Variants in DLC1 observed in about 807,000 individuals in gnomAD.
DLC1 encodes the protein rho GTPase-activating protein 7.
In DLC1, 54 loss-of-function variants were observed where a neutral mutation model predicts 140.3. The observed-to-expected ratio is 0.38, with a 90% CI of 0.31 to 0.48. DLC1 has a LOEUF of 0.48. DLC1 is among the 20% of genes least tolerant of loss of function. The pLI is 0.96. For synonymous variants in DLC1, 986 were observed against 728.1 expected, an observed-to-expected ratio of 1.35 and a Z score of -5.70; for missense variants, 2,536 against 1,907.0, an observed-to-expected ratio of 1.33 and a Z score of -6.14.
chr8:13,229,276 C>A (rs564735078), intron 5 of DLC1, among the ~76,000 whole-genome samples: 6 of 152,240 alleles, frequency 3.9e-5, no homozygotes, highest in Non-Finnish European at 7.4e-5. Context: ...CAATATTGAT[C>A]CACGCTACAA....
intron 1 of DLC1, chr8:13,567,857 G>A: frequency 6.4e-7 from 1 of 1,551,814 alleles, no homozygotes; most frequent in South Asian, 1.2e-5. Flanking sequence ...CAGCGAGATG[G>A]AAATAGTGCT....
intron 4 of DLC1, among the ~76,000 whole-genome samples, chr8:13,309,451 C>G (rs1460958346): frequency 1.3e-5 from 2 of 152,084 alleles, no homozygotes; most frequent in African/African-American, 2.4e-5. Flanking sequence ...TTGAAGTTGG[C>G]CAATTAAGGT....
At chr8:13,566,099 A>T (rs1203289100) in intron 1 of DLC1, among the ~76,000 whole-genome samples, 2 of 151,876 alleles carry the variant, frequency 1.3e-5, no homozygotes, top group African/African-American at 4.8e-5. Flanking sequence ...CAACACCGAC[A>T]TGATTTCTGC....
intron 1 of DLC1, among the ~76,000 whole-genome samples, chr8:13,535,541 C>T (rs938920601): frequency 1.4e-4 from 22 of 151,794 alleles, no homozygotes; most frequent in African/African-American, 4.8e-4. Context: ...AACTACATTT[C>T]TAAACAATTA....
chr8:13,272,349 G>C (rs950806806), intron 5 of DLC1, among the ~76,000 whole-genome samples: 1 of 152,064 alleles, frequency 6.6e-6, no homozygotes, highest in African/African-American at 2.4e-5. Context: ...TCGAGAGGCT[G>C]GGAATCTCTT....
At chr8:13,567,890 C>A (rs1187694989) in intron 1 of DLC1, 1 of 1,551,970 alleles carries the variant, frequency 6.4e-7, no homozygotes, top group Non-Finnish European at 8.7e-7. Context: ...TTTTCTCTGC[C>A]ATTTCTCAAG....
At chr8:13,495,728 G>A (rs1373490192) in intron 2 of DLC1, among the ~76,000 whole-genome samples, 1 of 152,122 alleles carries the variant, frequency 6.6e-6, no homozygotes, top group African/African-American at 2.4e-5. Flanking sequence ...CGGAAACTAA[G>A]AAAACTAAGC....
rs114018577 is a variant in DLC1 at position 13,589,859 on chromosome 8, C to G, written c.-126+14678G>C. 2.0e-5 allele frequency among the ~76,000 whole-genome samples: 3 copies of G among 151,504 alleles called. No individual in the cohort carries two copies. The South Asian group carries it at 6.3e-4, about 32-fold the overall frequency. On this transcript the variant is annotated intron_variant, in intron 1 of 1. Transcript: ENST00000631382. ...AAAGAAATACATACTCATCTAAATT[C>G]TAAAAATATATGTATAAACCTAGTG...
chr8:13,452,382 T>C (rs1179310357), intron 2 of DLC1, among the ~76,000 whole-genome samples: 1 of 152,160 alleles, frequency 6.6e-6, no homozygotes, highest in Admixed American at 6.5e-5. Flanking sequence ...ACTCAATTTA[T>C]GTTATCCTAT....
chr8:13,374,803 G>C (rs560626167), intron 4 of DLC1, among the ~76,000 whole-genome samples: 25 of 152,216 alleles, frequency 1.6e-4, no homozygotes, highest in African/African-American at 6.0e-4. Flanking sequence ...CCATTTTCAC[G>C]ATATTGATTC....
At chr8:13,588,656 A>G (rs886946036) in intron 1 of DLC1, among the ~76,000 whole-genome samples, 5 of 152,124 alleles carry the variant, frequency 3.3e-5, no homozygotes, top group African/African-American at 9.7e-5. Flanking sequence ...AAATCTTGGT[A>G]CAATTTACCT....
chr8:13,518,154 C>T (rs1395260822), upstream of DLC1, among the ~76,000 whole-genome samples: 2 of 151,968 alleles, frequency 1.3e-5, no homozygotes, highest in African/African-American at 2.4e-5. Flanking sequence ...GTTGCCCAGG[C>T]TGGAGTGCAG....
intron 2 of DLC1, among the ~76,000 whole-genome samples, chr8:13,449,899 A>G (rs919072292): frequency 6.6e-6 from 1 of 152,114 alleles, no homozygotes; most frequent in Non-Finnish European, 1.5e-5. Flanking sequence ...ATCTGTATCA[A>G]GAACACAGCA....
intron 4 of DLC1, among the ~76,000 whole-genome samples, chr8:13,307,872 G>A (rs1441067134): frequency 6.6e-6 from 1 of 152,212 alleles, no homozygotes; most frequent in Non-Finnish European, 1.5e-5. Flanking sequence ...TGGCCTGTGA[G>A]CCACACTAAA....
chr8:13,159,278 T>C (rs1824506199), intron 5 of DLC1, among the ~76,000 whole-genome samples: 1 of 152,178 alleles, frequency 6.6e-6, no homozygotes, highest in Non-Finnish European at 1.5e-5. Flanking sequence ...CAGAAGCTCC[T>C]AAGTGAGAGT....
intron 1 of DLC1, among the ~76,000 whole-genome samples, chr8:13,582,878 C>CTATATATATATATATATA (rs55681527): frequency 2.9e-5 from 3 of 103,094 alleles, no homozygotes; most frequent in Admixed American, 1.1e-4. Context: ...ATACTGTGGT[C>CTATATATATATATATATA]TATATATATA....
intron 1 of DLC1, among the ~76,000 whole-genome samples, chr8:13,581,530 C>G (rs1025388532): frequency 3.3e-5 from 5 of 152,168 alleles, no homozygotes; most frequent in Admixed American, 6.5e-5. Flanking sequence ...CCTGTATTTT[C>G]TTCATCCAAG....
At chr8:13,142,241 T>A (rs981794935) in intron 5 of DLC1, among the ~76,000 whole-genome samples, 2 of 152,220 alleles carry the variant, frequency 1.3e-5, no homozygotes, top group South Asian at 4.1e-4. Context: ...GTCTTGGGTA[T>A]TTCTTTATAG....
intron 2 of DLC1, among the ~76,000 whole-genome samples, chr8:13,462,907 T>G (rs1444879835): frequency 6.6e-6 from 1 of 152,182 alleles, no homozygotes; most frequent in African/African-American, 2.4e-5. Flanking sequence ...TAGCTACCCC[T>G]ATGGTTTTAT....
Sources: gnomAD v4.1 joint callset for allele counts (sites outside exome capture counted in the v4.1 genomes callset) on GRCh38, gnomAD v4.1.1 for gene constraint, MANE v1.5 for transcripts, NCBI Gene and HGNC (gene_info 2026-07-23, HGNC 2026-07-21) for gene names.